TOR1B: variants seen among roughly 807,000 people sequenced by gnomAD.
TOR1B encodes the protein torsin family 1 member B.
Under a neutral mutation model 29.2 loss-of-function variants are expected in TOR1B, and 14 were observed. That is an observed-to-expected ratio of 0.48 (90% CI 0.32 to 0.75). The LOEUF (loss-of-function observed/expected upper bound fraction) is 0.75. TOR1B is among the 30% of genes least tolerant of loss of function. The pLI, the probability that TOR1B is intolerant of heterozygous loss-of-function variation, is 0.04. For missense variants in TOR1B, 400 were observed against 433.9 expected (o/e 0.92, Z 0.69); for synonymous variants, 166 against 179.8 (o/e 0.92, Z 0.62).
chr9:129,803,219 C>A lies in TOR1B; in HGVS notation c.7C>A (p.Arg3=). ML[R]AGWLRGAAAL... ...GCGGGCTTCGAGGAGCGGGATGTTG[C>A]GGGCTGGGTGGCTCCGGGGCGCGGC... Residue 3 remains arginine (R), a synonymous_variant, in exon 1 of 5, where the codon CGG becomes AGG. Transcript: ENST00000259339. 6.7e-7 allele frequency: 1 copy of A among 1,501,172 alleles called. No individual in the cohort carries two copies. The highest frequency in any genetic ancestry group is 8.8e-7 in the Non-Finnish European group (1 of 1,133,700). 93.0% of individuals were successfully genotyped at this position (1,501,172 alleles called of 1,614,324 possible).
Position 129,810,344 on chromosome 9 carries a change from T to G in TOR1B, c.*761T>G, listed in dbSNP as rs1227397945. Reference sequence around the variant, plus strand: ...CTTGATCTGAGCTGACCTGTGTGTGTGTGTGTGGGGGGGTGGGGCCTTCAC... The same window carrying G: ...CTTGATCTGAGCTGACCTGTGTGTGGGTGTGTGGGGGGGTGGGGCCTTCAC... On this transcript the variant is annotated 3_prime_UTR_variant, in exon 5 of 5. Transcript: ENST00000259339. 1.8e-4 allele frequency: 160 copies of G among 901,582 alleles called. No individual in the cohort carries two copies. The highest frequency in any genetic ancestry group is 5.5e-4 in the African/African-American group (24 of 43,746). The allele number at this position is 901,582 out of a possible 1,614,324, so 55.8% of individuals were successfully genotyped here.
intron 2 of TOR1B, among the ~76,000 whole-genome samples, chr9:129,805,415 C>T (rs1415813937): frequency 6.6e-6 from 1 of 150,970 alleles, no homozygotes; most frequent in Non-Finnish European, 1.5e-5. Context: ...GAATGAGACT[C>T]TGTCTCAAAA....
rs1382532215 is a variant in TOR1B, at chr9:129,810,224, C to T, written c.*641C>T. ...CTTTTGCTCTGTCTCGTTCTTTACA[C>T]AGAGTTCACTGACTTGAAGTATACT... is the stretch of plus-strand genomic sequence containing the variant. On this transcript the variant is annotated 3_prime_UTR_variant, in exon 5 of 5. Coordinates refer to ENST00000259339, the MANE Select transcript of TOR1B (RefSeq NM_014506.3). The T allele has an allele frequency of 6.9e-6, 9 of 1,304,108 alleles. No homozygotes were observed. Among genetic ancestry groups the T allele is most frequent in the Non-Finnish European group, 6.1e-6 (6 of 988,960 alleles). The allele number at this position is 1,304,108 out of a possible 1,614,324, so 80.8% of individuals were successfully genotyped here. A position where few individuals can be genotyped will look rare whatever the true frequency, so the allele number is the denominator to read the frequency against.
rs899192451 is a variant in TOR1B at position 129,809,064 on chromosome 9, C to G, written c.769+32C>G. 1.0e-4 allele frequency: 159 copies of G among 1,585,160 alleles called. 2 individuals carry two copies. The highest frequency in any genetic ancestry group is 1.3e-4 in the Non-Finnish European group (157 of 1,168,280). ...CCACCAGGGTAAAGGAGCCCCTTAA[C>G]TGTCCAGCAGTGAGCCGTCTGCTCT... On this transcript the variant is annotated intron_variant, in intron 4 of 4. Transcript: ENST00000259339.
At position 129,804,263 on chromosome 9, in the gene TOR1B, T is replaced by A. The variant is rs781449518; in HGVS notation, c.390T>A (p.Gly130=). The part of the protein sequence containing the change: ...QIVAENLHPK[G]LKSNFVHLFV... ...TGGCTGAAAATCTTCACCCAAAAGG[T>A]CTGAAGAGTAACTTTGTCCACCTGT... Residue 130 remains glycine, a synonymous_variant, in exon 2 of 5, where the codon GGT becomes GGA. Transcript: ENST00000259339. The A allele has an allele frequency of 6.2e-7, 1 of 1,614,118 alleles. No homozygotes were observed. The highest frequency in any genetic ancestry group is 8.5e-7 in the Non-Finnish European group (1 of 1,180,030).
At chr9:129,808,856 C>A in intron 3 of TOR1B, 49 bp from the exon 4 acceptor site, 1 of 1,606,924 alleles carries the variant, frequency 6.2e-7, no homozygotes, top group South Asian at 1.1e-5. Context: ...CCAGCAGACA[C>A]AGAAGTCTTA....
Position 129,810,462 on chromosome 9 carries a change from C to T in TOR1B, c.*879C>T, listed in dbSNP as rs1388562420. 4.1e-5 allele frequency: 48 copies of T among 1,163,652 alleles called. No homozygotes were observed. The highest frequency in any genetic ancestry group is 4.8e-5 in the Non-Finnish European group (44 of 920,754). The allele number at this position is 1,163,652 out of a possible 1,614,324, so 72.1% of individuals were successfully genotyped here. ...ACAGCCCTGGCTGTGGAATCCTTCA[C>T]CGTCTCAGCTGGTATCAGCCCCAGC... On this transcript the variant is annotated 3_prime_UTR_variant, in exon 5 of 5. Transcript: ENST00000259339.
chr9:129,810,098 C>T lies in TOR1B; in HGVS notation c.*515C>T, dbSNP rs535967595. On this transcript the variant is annotated 3_prime_UTR_variant, in exon 5 of 5. Transcript: ENST00000259339. ...GCACCCGCGCCTCAGAAGCTACGGT[C>T]ACAACTAAAGGAGTCCAGGGACTTG... The T allele has an allele frequency of 1.6e-6, 2 of 1,275,072 alleles. No individual in the cohort carries two copies. Among genetic ancestry groups the T allele is most frequent in the Non-Finnish European group, 2.1e-6 (2 of 968,706 alleles). The allele number at this position is 1,275,072 out of a possible 1,614,324, so 79.0% of individuals were successfully genotyped here. A position where few individuals can be genotyped will look rare whatever the true frequency, so the allele number is the denominator to read the frequency against.
At chr9:129,805,468 A>G (rs1299211674) in intron 2 of TOR1B, among the ~76,000 whole-genome samples, 1 of 152,046 alleles carries the variant, frequency 6.6e-6, no homozygotes, top group African/African-American at 2.4e-5. Flanking sequence ...CCCAGAGGCA[A>G]GGTGACTTAC....
Position 129,809,813 on chromosome 9 carries a change from T to C in TOR1B, c.*230T>C, listed in dbSNP as rs1247139879. The C allele has an allele frequency of 6.5e-6, 9 of 1,380,096 alleles. No individual in the cohort carries two copies. In the East Asian group the frequency reaches 1.7e-4, roughly 26 times the overall value. The allele number at this position is 1,380,096 out of a possible 1,614,324, so 85.5% of individuals were successfully genotyped here. ...CCGCTCCCGGTTTGAGTGATTCTCA[T>C]GCCTCAGCCTCCCGAGTAGCTGGGA... On this transcript the variant is annotated 3_prime_UTR_variant, in exon 5 of 5. Transcript: ENST00000259339.
intron 4 of TOR1B, 58 bp downstream of exon 4, chr9:129,809,090 T>TAA: frequency 6.5e-7 from 1 of 1,549,400 alleles, no homozygotes; most frequent in South Asian, 1.2e-5. Context: ...CGTCTGCTCT[T>TAA]TCATTGAGTG....
intron 2 of TOR1B, chr9:129,804,567 G>T: frequency 1.8e-6 from 1 of 545,248 alleles, no homozygotes; most frequent in Admixed American, 3.4e-5. Context: ...ATTAAAAGAT[G>T]GGGAGCCAAG....
In TOR1B at chr9:129,808,978, C is replaced by G. The variant is rs536099033; in HGVS notation, c.715C>G (p.Gln239Glu). 3.1e-6 allele frequency: 5 copies of G among 1,614,024 alleles called. No homozygotes were observed. Among genetic ancestry groups the G allele is most frequent in the Middle Eastern group, 1.6e-4 (1 of 6,084 alleles). Residue 239 changes from glutamine (Q) to glutamate (E), a missense_variant, in exon 4 of 5, where the codon CAG becomes GAG. Physicochemically the swap from Gln to Glu is conservative, Grantham distance 29 (BLOSUM62 2). Coordinates refer to ENST00000259339, the MANE Select transcript of TOR1B (RefSeq NM_014506.3). ...WRAGRKREDI[Q>E]LKDLEPVLSV... ...GGCCGGAAGAAAGAGGGAAGACATTCAGCTGAAGGACCTGGAACCTGTACT... is the reference window on the plus strand; with the variant it reads ...GGCCGGAAGAAAGAGGGAAGACATTGAGCTGAAGGACCTGGAACCTGTACT...
In TOR1B at chr9:129,807,197, C is replaced by T. The variant is rs1374454092; in HGVS notation, c.475C>T (p.Gln159Ter). 3 of 1,613,934 alleles carry T rather than the reference C, an allele frequency of 1.9e-6. No homozygotes were observed. The East Asian group carries it at 6.7e-5, about 36-fold the overall frequency. ...TTCATGGTTGGTCCAGGACCAGTTA[C>T]AGAAGTGGATCCGCGGTAATGTGAG... Reference protein sequence around the residue: ...QKIKLYQDQLQKWIRGNVSAC... With the variant: ...QKIKLYQDQL Residue 159 changes from glutamine to a stop codon, truncating the protein, a stop_gained, in exon 3 of 5, where the codon CAG (glutamine) becomes TAG (stop). Coordinates refer to ENST00000259339, the MANE Select transcript of TOR1B (RefSeq NM_014506.3). LOFTEE classifies it high-confidence loss of function.
intron 2 of TOR1B, among the ~76,000 whole-genome samples, chr9:129,804,904 C>T (rs905179807): frequency 6.7e-6 from 1 of 149,206 alleles, no homozygotes; most frequent in African/African-American, 2.5e-5. Flanking sequence ...TTTCGGAGGC[C>T]GAGGGGGGCG....
chr9:129,807,880 AG>A (rs907236820), intron 3 of TOR1B, among the ~76,000 whole-genome samples: 13 of 150,760 alleles, frequency 8.6e-5, no homozygotes, highest in Non-Finnish European at 1.5e-5. Flanking sequence ...CACTGATAGC[AG>A]GCAATTTTAG....
chr9:129,803,600 T>G (rs904227413), intron 1 of TOR1B, among the ~76,000 whole-genome samples, 189 bp downstream of exon 1: 2 of 152,176 alleles, frequency 1.3e-5, no homozygotes, highest in African/African-American at 4.8e-5. Flanking sequence ...GCAGAAGCGG[T>G]GCCTTCGCAA....
intron 2 of TOR1B, among the ~76,000 whole-genome samples, chr9:129,806,140 T>C (rs1357597158): frequency 6.7e-6 from 1 of 149,004 alleles, no homozygotes; most frequent in African/African-American, 2.5e-5. Context: ...AAAAAAAAAT[T>C]CCTCCTGTTA....
intron 3 of TOR1B, 47 bp downstream of exon 3, chr9:129,807,410 CAAT>C: frequency 3.7e-6 from 6 of 1,602,162 alleles, no homozygotes; most frequent in East Asian, 2.2e-5. Flanking sequence ...TTCATTCTCT[CAAT>C]GATAAAATGA....
Sources: allele counts gnomAD v4.1 joint callset (sites outside exome capture counted in the v4.1 genomes callset), GRCh38; gene constraint gnomAD v4.1.1; transcripts MANE v1.5; gene names NCBI Gene and HGNC (gene_info 2026-07-23, HGNC 2026-07-21).